TMC1: variants seen among roughly 807,000 people sequenced by gnomAD.
The protein encoded by TMC1 is transmembrane channel like 1, also known as transmembrane channel-like protein 1.
TMC1 carries 84 observed loss-of-function variants against 105.8 expected under a neutral mutation model. The observed-to-expected ratio is 0.79, with a 90% confidence interval of 0.67 to 0.95. The LOEUF (loss-of-function observed/expected upper bound fraction) is 0.95. Among genes scored for constraint, TMC1 ranks in the 40% least tolerant of loss-of-function variants. The pLI, the probability that TMC1 is intolerant of heterozygous loss-of-function variation, is 0.00. For missense variants in TMC1, 817 were observed against 914.1 expected, an observed-to-expected ratio of 0.89 and a Z score of 1.37; for synonymous variants, 315 against 311.5, an observed-to-expected ratio of 1.01 and a Z score of -0.12.
chr9:72,704,449 A>G (rs1826700202), intron 8 of TMC1, among the ~76,000 whole-genome samples: 1 of 152,152 alleles, frequency 6.6e-6, no homozygotes, highest in African/African-American at 2.4e-5. Flanking sequence ...TAGTTCCCAC[A>G]TTTTTAAAGA....
At chr9:72,666,766 C>T (rs527954915) in intron 5 of TMC1, among the ~76,000 whole-genome samples, 4 of 152,046 alleles carry the variant, frequency 2.6e-5, no homozygotes, top group South Asian at 2.1e-4. Flanking sequence ...CATAATGTCA[C>T]GGCCAGGCGT....
intron 5 of TMC1, among the ~76,000 whole-genome samples, chr9:72,682,318 C>G (rs1826301707): frequency 6.6e-6 from 1 of 152,112 alleles, no homozygotes; most frequent in Non-Finnish European, 1.5e-5. Flanking sequence ...TAAATCTTAT[C>G]CCCAGATACT....
chr9:72,766,778 C>T (rs1827845245), intron 12 of TMC1, among the ~76,000 whole-genome samples: 1 of 152,198 alleles, frequency 6.6e-6, no homozygotes, highest in Admixed American at 6.5e-5. Flanking sequence ...CCTCTTTGTA[C>T]TCCACACTGT....
rs1195281729 is a variant in TMC1 at position 72,724,754 on chromosome 9, C to T, written c.363-15365C>T. 3.3e-5 allele frequency among the ~76,000 whole-genome samples: 5 copies of T among 152,118 alleles called. No homozygotes were observed. The East Asian group carries it at 9.6e-4, about 29-fold the overall frequency. On this transcript the variant is annotated intron_variant, in intron 8 of 23. Coordinates refer to ENST00000297784, the MANE Select transcript of TMC1 (RefSeq NM_138691.3). ...ATTAAATTTTCTGAGCTTGCCAGGG[C>T]ATCCTGTCCCCTAACAGTTTTTGAT...
At chr9:72,719,408 T>C (rs1248147344) in intron 8 of TMC1, among the ~76,000 whole-genome samples, 1 of 152,052 alleles carries the variant, frequency 6.6e-6, no homozygotes, top group East Asian at 1.9e-4. Context: ...CTCTCTAAAT[T>C]GTCTCAGCTC....
At chr9:72,665,682 C>G (rs940427464) in intron 5 of TMC1, among the ~76,000 whole-genome samples, 3 of 152,198 alleles carry the variant, frequency 2.0e-5, no homozygotes, top group African/African-American at 7.2e-5. Flanking sequence ...CTGAATGTTA[C>G]GTCTGGCATC....
intron 4 of TMC1, among the ~76,000 whole-genome samples, chr9:72,633,008 C>CA (rs373596116): frequency 0.11 from 15,261 of 135,008 alleles, 802 homozygotes; most frequent in Middle Eastern, 0.14. Context: ...ACTATTCTGC[C>CA]AAAAAAAAAA....
Position 72,704,347 on chromosome 9 carries a change from T to C in TMC1, c.362+3704T>C, listed in dbSNP as rs569224828. Among the ~76,000 whole-genome samples the C allele has an allele frequency of 1.0e-3, 153 of 152,282 alleles. 1 individual carries two copies. Among genetic ancestry groups the C allele is most frequent in the African/African-American group, 3.5e-3 (146 of 41,564 alleles). ...AAGTTTTGAAACTTCTAAAAGATAT[T>C]TTAGACAGTGTCAGGGTTTTAAGAT... On this transcript the variant is annotated intron_variant, in intron 8 of 23. Transcript: ENST00000297784.
In TMC1 at chr9:72,689,363, G is replaced by T. The variant is rs1168158549; in HGVS notation, c.64+607G>T. On this transcript the variant is annotated intron_variant, in intron 6 of 23. Transcript: ENST00000297784. The stretch of plus-strand genomic sequence containing the variant: ...TTTACACAGACAGGGCAGAGGGAAT[G>T]TTAGAGTAGTATTTTTAGGTTTCAT... 2.0e-5 allele frequency among the ~76,000 whole-genome samples: 3 copies of T among 152,252 alleles called. No individual in the cohort carries two copies. The East Asian group carries it at 5.8e-4, about 29-fold the overall frequency.
At chr9:72,702,017 A>C (rs996928366) in intron 8 of TMC1, among the ~76,000 whole-genome samples, 1 of 152,166 alleles carries the variant, frequency 6.6e-6, no homozygotes, top group African/African-American at 2.4e-5. Flanking sequence ...CTGTACATTA[A>C]AATAATTTTC....
chr9:72,529,047 G>A (rs2132055997), intron 1 of TMC1, among the ~76,000 whole-genome samples: 1 of 150,760 alleles, frequency 6.6e-6, no homozygotes, highest in East Asian at 2.0e-4. Context: ...GTGTAGTTAT[G>A]ATTTAAAGTA....
intron 12 of TMC1, among the ~76,000 whole-genome samples, chr9:72,756,751 G>A (rs1827682157): frequency 1.3e-5 from 2 of 152,142 alleles, no homozygotes; most frequent in East Asian, 1.9e-4. Flanking sequence ...GATTTCTGAA[G>A]TTTAAATACT....
At chr9:72,762,260 T>C (rs1429087547) in intron 12 of TMC1, among the ~76,000 whole-genome samples, 1 of 152,170 alleles carries the variant, frequency 6.6e-6, no homozygotes, top group African/African-American at 2.4e-5. Flanking sequence ...TCATGCTCAG[T>C]CATTATCTAG....
At chr9:72,732,618 T>C (rs1176160353) in intron 8 of TMC1, among the ~76,000 whole-genome samples, 1 of 152,128 alleles carries the variant, frequency 6.6e-6, no homozygotes, top group Non-Finnish European at 1.5e-5. Context: ...AAAGCATCAT[T>C]TACCTGGTGT....
At chr9:72,800,467 C>A in intron 17 of TMC1, among the ~76,000 whole-genome samples, 1 of 152,130 alleles carries the variant, frequency 6.6e-6, no homozygotes, top group East Asian at 1.9e-4. Flanking sequence ...TCTGGGCTGG[C>A]CACTTCTGGA....
At chr9:72,568,311 C>G (rs1824204462) in intron 1 of TMC1, among the ~76,000 whole-genome samples, 1 of 152,108 alleles carries the variant, frequency 6.6e-6, no homozygotes, top group African/African-American at 2.4e-5. Flanking sequence ...GTAGGAAACC[C>G]TATTCTAAAA....
At chr9:72,802,384 T>C (rs1053887256) in intron 17 of TMC1, among the ~76,000 whole-genome samples, 1 of 152,248 alleles carries the variant, frequency 6.6e-6, no homozygotes, top group East Asian at 1.9e-4. Context: ...ATTCATTTTT[T>C]ATTTATGAGT....
At chr9:72,598,669 G>A (rs1405128221) in intron 2 of TMC1, among the ~76,000 whole-genome samples, 1 of 152,142 alleles carries the variant, frequency 6.6e-6, no homozygotes, top group Non-Finnish European at 1.5e-5. Flanking sequence ...CTGCTAGGAA[G>A]GCCCAACTAA....
At chr9:72,576,851 G>A (rs1332721525) in intron 1 of TMC1, among the ~76,000 whole-genome samples, 1 of 151,694 alleles carries the variant, frequency 6.6e-6, no homozygotes. Flanking sequence ...GGGTGGTCTG[G>A]ATCTCCTGAC....
Sources: allele counts gnomAD v4.1 joint callset (sites outside exome capture counted in the v4.1 genomes callset), GRCh38; gene constraint gnomAD v4.1.1; transcripts MANE v1.5; gene names NCBI Gene and HGNC (gene_info 2026-07-23, HGNC 2026-07-21).